Variants in FREM2 observed in about 807,000 individuals in gnomAD.
FREM2 encodes the protein FRAS1-related extracellular matrix protein 2.
FREM2 carries 119 observed loss-of-function variants against 219.9 expected under a neutral mutation model. The ratio of observed to expected loss-of-function variants is 0.54; its 90% CI spans 0.47 to 0.63. The LOEUF (loss-of-function observed/expected upper bound fraction) is 0.63. Among genes scored for constraint, FREM2 ranks in the 30% least tolerant of loss-of-function variants. The pLI is 0.00. For missense variants in FREM2, 4,030 were observed against 3,993.6 expected (o/e 1.01, Z -0.25); for synonymous variants, 1,562 against 1,522.8 (o/e 1.03, Z -0.60).
chr13:38,871,741 G>A (rs1429773449), intron 16 of FREM2, among the ~76,000 whole-genome samples: 2 of 152,010 alleles, frequency 1.3e-5, no homozygotes, highest in Non-Finnish European at 2.9e-5. Context: ...AATAATTATG[G>A]TGGAGAGTGA....
chr13:38,689,200 A>C lies in FREM2; in HGVS notation c.1856A>C (p.His619Pro), dbSNP rs758214399. 4 of 1,614,010 alleles carry C rather than the reference A, an allele frequency of 2.5e-6. No homozygotes were observed. The highest frequency in any genetic ancestry group is 3.4e-6 in the Non-Finnish European group (4 of 1,179,982). Residue 619 changes from histidine (H) to proline (P), a missense_variant, in exon 1 of 24, where the codon CAT becomes CCT. Transcript: ENST00000280481. Reference sequence around the variant, plus strand: ...CTTCTCCGCCAAACTCACCCTCCCCATGAGAAGCAGGAACTTCTCAGAGGC... The same window carrying C: ...CTTCTCCGCCAAACTCACCCTCCCCCTGAGAAGCAGGAACTTCTCAGAGGC... ...HLLLRQTHPP[H>P]EKQELLRGLW...
chr13:38,793,000 C>G (rs1239807119), intron 6 of FREM2, among the ~76,000 whole-genome samples: 2 of 152,148 alleles, frequency 1.3e-5, no homozygotes, highest in Non-Finnish European at 2.9e-5. Context: ...AGAAACCTGC[C>G]ACTTGAAAGA....
intron 3 of FREM2, among the ~76,000 whole-genome samples, chr13:38,765,815 CACCCCCAGCCT>C (rs752533139): frequency 1.2e-3 from 182 of 152,282 alleles, no homozygotes; most frequent in South Asian, 2.9e-3. Flanking sequence ...CCCGCGGCCT[CACCCCCAGCCT>C]CTGCTTCCAT....
rs540346949 is a variant in FREM2 at position 38,882,884 on chromosome 13, G to A, written c.*2097G>A. ...GATATTTTAGTAGTTAACAGCTTCC[G>A]AGCCTATCATGCAATTTGGAGTCTG... On this transcript the variant is annotated 3_prime_UTR_variant, in exon 24 of 24. Coordinates refer to ENST00000280481, the MANE Select transcript of FREM2 (RefSeq NM_207361.6). 2.0e-5 allele frequency: 3 copies of A among 152,210 alleles called. No homozygotes were observed. The highest frequency in any genetic ancestry group is 2.4e-5 in the African/African-American group (1 of 41,546). 9.4% of individuals were successfully genotyped at this position (152,210 alleles called of 1,614,324 possible).
At position 38,848,540 on chromosome 13, in the gene FREM2, T is replaced by C. The variant is rs1196959869; in HGVS notation, c.6249T>C (p.Ile2083=). ...ACATGCAGCCTGTTCGTGTTGTCATTCTGGATGACCTTGGACAACCAGCGC... is the reference window on the plus strand; with the variant it reads ...ACATGCAGCCTGTTCGTGTTGTCATCCTGGATGACCTTGGACAACCAGCGC... ...GVNMQPVRVV[I]LDDLGQPALE... The change falls in exon 8 of 24, where the codon ATT becomes ATC. Residue 2083 remains isoleucine, a synonymous_variant. Coordinates refer to ENST00000280481, the MANE Select transcript of FREM2 (RefSeq NM_207361.6). 6.2e-7 allele frequency: 1 copy of C among 1,614,070 alleles called. No homozygotes were observed. Among genetic ancestry groups the C allele is most frequent in the Non-Finnish European group, 8.5e-7 (1 of 1,179,932 alleles).
chr13:38,717,485 C>T (rs767559332), intron 2 of FREM2, among the ~76,000 whole-genome samples: 2 of 125,774 alleles, frequency 1.6e-5, no homozygotes, highest in East Asian at 5.3e-4. Context: ...GGCACAAACT[C>T]GGCTCACTGC....
chr13:38,763,182 A>G (rs1204084392), intron 2 of FREM2, among the ~76,000 whole-genome samples: 4 of 152,146 alleles, frequency 2.6e-5, no homozygotes, highest in Non-Finnish European at 4.4e-5. Flanking sequence ...CAAGAAAACA[A>G]TTTCCCTACA....
chr13:38,738,071 A>G (rs974513797), intron 2 of FREM2, among the ~76,000 whole-genome samples: 3 of 152,132 alleles, frequency 2.0e-5, no homozygotes, highest in Non-Finnish European at 4.4e-5. Context: ...CTGATTAGGT[A>G]TGGGAGTGAC....
intron 1 of FREM2, among the ~76,000 whole-genome samples, chr13:38,695,349 C>T (rs1348058379): frequency 1.3e-5 from 2 of 152,014 alleles, no homozygotes; most frequent in Non-Finnish European, 2.9e-5. Flanking sequence ...TATGTTCCAA[C>T]TAATCAATAA....
intron 2 of FREM2, among the ~76,000 whole-genome samples, chr13:38,745,800 G>A (rs1199942473): frequency 6.6e-6 from 1 of 152,112 alleles, no homozygotes; most frequent in Non-Finnish European, 1.5e-5. Context: ...AGTCAATGCT[G>A]GGTAATTATC....
intron 6 of FREM2, among the ~76,000 whole-genome samples, chr13:38,837,199 C>T (rs1052852587): frequency 2.6e-5 from 4 of 152,176 alleles, no homozygotes; most frequent in Non-Finnish European, 5.9e-5. Flanking sequence ...TCGTTATTTA[C>T]TCAGTAGTCA....
In FREM2 at chr13:38,689,539, A is replaced by G; in HGVS notation, c.2195A>G (p.Asp732Gly). 2 of 1,613,984 alleles carry G rather than the reference A, an allele frequency of 1.2e-6. No homozygotes were observed. Among genetic ancestry groups the G allele is most frequent in the Non-Finnish European group, 1.7e-6 (2 of 1,179,954 alleles). The change falls in exon 1 of 24, where the codon GAC (aspartate) becomes GGC (glycine). Residue 732 changes from aspartate (D) to glycine (G), a missense_variant. This residue lies in a region of FREM2 where 3,102 missense variants were observed against 2,950.7 expected (regional missense o/e 1.05). Coordinates refer to ENST00000280481, the MANE Select transcript of FREM2 (RefSeq NM_207361.6). ...AAGTGGCTGCGCTACACTGACCTGG[A>G]CACAGATGACCGAGAACTACGTTAC... The part of the protein sequence containing the change: ...RKKWLRYTDL[D>G]TDDRELRYTV...
intron 2 of FREM2, among the ~76,000 whole-genome samples, chr13:38,737,790 C>A (rs1872058196): frequency 1.3e-5 from 2 of 152,206 alleles, no homozygotes; most frequent in Admixed American, 6.5e-5. Context: ...GGAAATAAGT[C>A]ATGAGGTTTT....
At chr13:38,718,650 T>C (rs1871103742) in intron 2 of FREM2, among the ~76,000 whole-genome samples, 1 of 149,350 alleles carries the variant, frequency 6.7e-6, no homozygotes, top group Non-Finnish European at 1.5e-5. Context: ...CTCTCTCTTT[T>C]TCTTTCACTA....
Position 38,885,805 on chromosome 13 carries a change from T to G in FREM2, c.*5018T>G, listed in dbSNP as rs1293548782. The G allele has an allele frequency of 6.6e-6, 1 of 152,152 alleles. No individual in the cohort carries two copies. Among genetic ancestry groups the G allele is most frequent in the Non-Finnish European group, 1.5e-5 (1 of 67,996 alleles). 9.4% of individuals were successfully genotyped at this position (152,152 alleles called of 1,614,324 possible). ...TCAATGGAGGTTCAACATTGACATT[T>G]AAGATGTAAAAAAAATTACTTTGAT... On this transcript the variant is annotated 3_prime_UTR_variant, in exon 24 of 24. Transcript: ENST00000280481.
intron 6 of FREM2, among the ~76,000 whole-genome samples, chr13:38,823,423 G>A (rs928878164): frequency 4.3e-4 from 65 of 151,592 alleles, no homozygotes; most frequent in African/African-American, 1.5e-3. Context: ...TAATTTCTAG[G>A]ACAAGGCTCC....
At chr13:38,716,587 A>G (rs1023387436) in intron 2 of FREM2, among the ~76,000 whole-genome samples, 2 of 151,832 alleles carry the variant, frequency 1.3e-5, no homozygotes, top group African/African-American at 2.4e-5. Context: ...ATCTCAGCTC[A>G]CTGAGATCAT....
chr13:38,781,931 T>C (rs1371522448), intron 4 of FREM2, among the ~76,000 whole-genome samples: 1 of 152,136 alleles, frequency 6.6e-6, no homozygotes, highest in Non-Finnish European at 1.5e-5. Context: ...TGCAGCCAGC[T>C]CTGGAAACCC....
chr13:38,768,154 A>G (rs956867312), intron 3 of FREM2, among the ~76,000 whole-genome samples: 1 of 152,236 alleles, frequency 6.6e-6, no homozygotes, highest in African/African-American at 2.4e-5. Context: ...TAGTTTGAAG[A>G]ACAAAAGGAA....
Sources: allele counts gnomAD v4.1 joint callset (sites outside exome capture counted in the v4.1 genomes callset), GRCh38; gene constraint gnomAD v4.1.1; regional missense constraint gnomAD v4.1.1; transcripts MANE v1.5; gene names NCBI Gene and HGNC (gene_info 2026-07-23, HGNC 2026-07-21).